FAM13A: variants seen among roughly 807,000 people sequenced by gnomAD.
FAM13A encodes the protein protein FAM13A.
In FAM13A, 76 loss-of-function variants were observed where a neutral mutation model predicts 129.6. That is an observed-to-expected ratio of 0.59 (90% CI 0.49 to 0.71). FAM13A has a LOEUF of 0.71. Ranked by LOEUF, FAM13A falls within the 30% of genes least tolerant of loss-of-function variation. The pLI, the probability that FAM13A is intolerant of heterozygous loss-of-function variation, is 0.00. For missense variants in FAM13A, 1,108 were observed against 1,249.3 expected, an observed-to-expected ratio of 0.89 and a Z score of 1.70; for synonymous variants, 443 against 449.9, an observed-to-expected ratio of 0.98 and a Z score of 0.20.
Position 88,742,331 on chromosome 4 carries a change from T to C in FAM13A, c.2467-3206A>G, listed in dbSNP as rs1740439069. 3.3e-5 allele frequency among the ~76,000 whole-genome samples: 5 copies of C among 152,236 alleles called. No individual in the cohort carries two copies. In the South Asian group the frequency reaches 8.3e-4, roughly 25 times the overall value. ...TTAATTCTTTGGCTCATGACATTGA[T>C]ATTTAGATTTTCTACAAATTGCTCA... On this transcript the variant is annotated intron_variant, in intron 19 of 23. Transcript: ENST00000264344.
At chr4:88,836,840 A>T (rs1205700417) in intron 7 of FAM13A, among the ~76,000 whole-genome samples, 2 of 151,762 alleles carry the variant, frequency 1.3e-5, no homozygotes, top group Admixed American at 6.6e-5. Context: ...GGTGTTTGTA[A>T]TCCCAGCTAT....
intron 13 of FAM13A, among the ~76,000 whole-genome samples, chr4:88,765,150 A>G (rs1273501179): frequency 6.6e-6 from 1 of 152,184 alleles, no homozygotes; most frequent in African/African-American, 2.4e-5. Flanking sequence ...GTCTCTAAAG[A>G]GCATTTCTGA....
chr4:88,933,046 T>G (rs916401376), intron 5 of FAM13A, among the ~76,000 whole-genome samples: 1 of 152,096 alleles, frequency 6.6e-6, no homozygotes, highest in Non-Finnish European at 1.5e-5. Flanking sequence ...AGTACGAAGA[T>G]TTCCCAGTCC....
chr4:88,826,597 C>T (rs972161584), intron 7 of FAM13A, among the ~76,000 whole-genome samples: 4 of 152,098 alleles, frequency 2.6e-5, no homozygotes, highest in African/African-American at 7.2e-5. Context: ...TCTCCAGTGC[C>T]ACAAAACAGA....
At chr4:88,974,943 T>A (rs935531878) in intron 4 of FAM13A, among the ~76,000 whole-genome samples, 1 of 152,158 alleles carries the variant, frequency 6.6e-6, no homozygotes. Context: ...ATTCAGTAAT[T>A]ACATAAGGAG....
At chr4:88,872,124 T>C (rs528092316) in intron 6 of FAM13A, among the ~76,000 whole-genome samples, 34 of 152,260 alleles carry the variant, frequency 2.2e-4, no homozygotes, top group South Asian at 8.3e-4. Context: ...CAGGCCTGCC[T>C]TACAAGAGCT....
intron 11 of FAM13A, among the ~76,000 whole-genome samples, chr4:88,771,292 T>A (rs143343474): frequency 3.5e-4 from 53 of 152,142 alleles, no homozygotes; most frequent in Non-Finnish European, 4.9e-4. Flanking sequence ...GGAGGAATGA[T>A]TAAGATAAAG....
chr4:88,811,393 G>T (rs1374933440), intron 7 of FAM13A, among the ~76,000 whole-genome samples: 1 of 152,086 alleles, frequency 6.6e-6, no homozygotes, highest in Non-Finnish European at 1.5e-5. Context: ...TACGACTGTG[G>T]CATTCTTTAT....
chr4:88,958,156 C>T (rs1441171010), intron 4 of FAM13A, among the ~76,000 whole-genome samples: 2 of 152,130 alleles, frequency 1.3e-5, no homozygotes, highest in African/African-American at 4.8e-5. Context: ...CTAAAAGGAG[C>T]CAAGAGCTAA....
chr4:88,734,237 G>A (rs1210034713), intron 21 of FAM13A, among the ~76,000 whole-genome samples: 1 of 152,150 alleles, frequency 6.6e-6, no homozygotes, highest in African/African-American at 2.4e-5. Flanking sequence ...CAGACCCTAC[G>A]AAAGGAAAGC....
chr4:89,045,007 T>G (rs1770664824), intron 1 of FAM13A, among the ~76,000 whole-genome samples: 1 of 152,166 alleles, frequency 6.6e-6, no homozygotes, highest in Non-Finnish European at 1.5e-5. Context: ...GTGGTAGTGA[T>G]GCACAACATT....
intron 3 of FAM13A, among the ~76,000 whole-genome samples, chr4:89,000,480 G>T (rs1764112409): frequency 6.6e-6 from 1 of 152,154 alleles, no homozygotes; most frequent in South Asian, 2.1e-4. Flanking sequence ...AATGTTTATA[G>T]AAAGAAAGTA....
rs575771818 is a variant in FAM13A, at chr4:88,828,251, C to T, written c.1007+22769G>A. 7.9e-5 allele frequency among the ~76,000 whole-genome samples: 12 copies of T among 152,214 alleles called. No homozygotes were observed. In the South Asian group the frequency reaches 2.3e-3, roughly 29 times the overall value. On this transcript the variant is annotated intron_variant, in intron 7 of 23. Coordinates refer to ENST00000264344, the MANE Select transcript of FAM13A (RefSeq NM_014883.4). ...TACCTCCTGGGCTCAAGTGTGCCTC[C>T]CACCTCAGCCTCCTGAGTAGCTGAG... is the stretch of plus-strand genomic sequence containing the variant.
intron 8 of FAM13A, among the ~76,000 whole-genome samples, chr4:88,800,704 A>T (rs1473070024): frequency 3.3e-5 from 5 of 151,132 alleles, no homozygotes; most frequent in African/African-American, 1.2e-4. Flanking sequence ...AACAAAAAAA[A>T]AAAAAGAAAA....
intron 7 of FAM13A, among the ~76,000 whole-genome samples, chr4:88,805,498 T>G (rs541531712): frequency 1.3e-5 from 2 of 152,274 alleles, no homozygotes; most frequent in African/African-American, 4.8e-5. Flanking sequence ...TCCCTAGCAA[T>G]GCAGAGCACA....
chr4:88,919,039 A>C (rs751026101), intron 5 of FAM13A, among the ~76,000 whole-genome samples: 10 of 152,202 alleles, frequency 6.6e-5, no homozygotes, highest in Admixed American at 1.3e-4. Flanking sequence ...AGGTTTTATA[A>C]TCTTTTACAG....
At position 89,024,381 on chromosome 4, in the gene FAM13A, T is replaced by C. The variant is rs1046603979; in HGVS notation, c.218-3712A>G. 6.6e-5 allele frequency among the ~76,000 whole-genome samples: 10 copies of C among 152,360 alleles called. No individual in the cohort carries two copies. The South Asian group carries it at 1.2e-3, about 19-fold the overall frequency. On this transcript the variant is annotated intron_variant, in intron 2 of 23. Coordinates refer to ENST00000264344, the MANE Select transcript of FAM13A (RefSeq NM_014883.4). ...CGAGAAAAAGAGTTTAAAGACTGTA[T>C]GCTTTATAAGTTATAATGTATATAC...
At chr4:88,999,841 T>C (rs1764015292) in intron 3 of FAM13A, among the ~76,000 whole-genome samples, 1 of 152,238 alleles carries the variant, frequency 6.6e-6, no homozygotes, top group African/African-American at 2.4e-5. Flanking sequence ...TCTAAGTGGC[T>C]AGCAAGCTAA....
intron 6 of FAM13A, among the ~76,000 whole-genome samples, chr4:88,865,747 T>C (rs1307401556): frequency 1.3e-5 from 2 of 152,180 alleles, no homozygotes; most frequent in African/African-American, 2.4e-5. Flanking sequence ...TATAAACAAA[T>C]GGGCACGGCT....
Sources: gnomAD v4.1 joint callset for allele counts (sites outside exome capture counted in the v4.1 genomes callset) on GRCh38, gnomAD v4.1.1 for gene constraint, MANE v1.5 for transcripts, NCBI Gene and HGNC (gene_info 2026-07-23, HGNC 2026-07-21) for gene names.